MAST4: variants seen among roughly 807,000 people sequenced by gnomAD.
MAST4 encodes the protein microtubule-associated serine/threonine-protein kinase 4.
A neutral mutation model predicts 162.7 loss-of-function variants in MAST4; 89 were observed. The observed-to-expected ratio is 0.55, with a 90% confidence interval of 0.46 to 0.65. MAST4 has a LOEUF of 0.65. Among genes scored for constraint, MAST4 ranks in the 30% least tolerant of loss-of-function variants. The probability of loss-of-function intolerance (pLI) is 0.00; values close to 1 mark genes in which losing one functional copy is unlikely to be tolerated. For missense variants in MAST4, 3,153 were observed against 3,374.0 expected (o/e 0.93, Z 1.62); for synonymous variants, 1,479 against 1,361.1 (o/e 1.09, Z -1.91).
intron 3 of MAST4, among the ~76,000 whole-genome samples, chr5:66,803,325 G>T (rs1247630124): frequency 6.6e-6 from 1 of 152,122 alleles, no homozygotes; most frequent in African/African-American, 2.4e-5. Flanking sequence ...AGTCAAGAAA[G>T]TTCCCTCATG....
intron 4 of MAST4, among the ~76,000 whole-genome samples, chr5:66,906,403 T>C (rs4700171): frequency 0.12 from 18,792 of 152,224 alleles, 1,354 homozygotes; most frequent in Admixed American, 0.15. Flanking sequence ...CATTCACCCT[T>C]TCATTATTCC....
intron 1 of MAST4, among the ~76,000 whole-genome samples, chr5:66,650,696 G>A (rs554427634): frequency 2.0e-5 from 3 of 152,268 alleles, no homozygotes; most frequent in African/African-American, 7.2e-5. Flanking sequence ...ATATCAGTGG[G>A]TTAGCCCAAA....
chr5:66,808,556 C>G (rs1948840081), intron 3 of MAST4, among the ~76,000 whole-genome samples: 1 of 152,022 alleles, frequency 6.6e-6, no homozygotes, highest in African/African-American at 2.4e-5. Context: ...TTTTGTTAAC[C>G]TACCTGTTCT....
chr5:66,641,462 A>G (rs1011364543), intron 1 of MAST4, among the ~76,000 whole-genome samples: 1 of 152,132 alleles, frequency 6.6e-6, no homozygotes, highest in Non-Finnish European at 1.5e-5. Flanking sequence ...TGGTCTCATG[A>G]TGTATTTTAA....
At chr5:67,158,813 T>C (rs1772852736) in intron 26 of MAST4, among the ~76,000 whole-genome samples, 1 of 152,168 alleles carries the variant, frequency 6.6e-6, no homozygotes, top group Non-Finnish European at 1.5e-5. Context: ...CGCAGGCAGA[T>C]CGCCTGAGGT....
At position 67,166,790 on chromosome 5, in the gene MAST4, C is replaced by G; in HGVS notation, c.7611C>G (p.Asp2537Glu). The G allele has an allele frequency of 6.2e-7, 1 of 1,603,034 alleles. No homozygotes were observed. Among genetic ancestry groups the G allele is most frequent in the Non-Finnish European group, 8.5e-7 (1 of 1,175,320 alleles). ...TGCCTCTGGAGTCACACCACCCCGA[C>G]CCAAACACCATGGGCGGGGCCAGCC... ...STLPLESHHPDPNTMGGASHR... is the reference protein window; with the variant it reads ...STLPLESHHPEPNTMGGASHR... Residue 2537 changes from aspartate (D) to glutamate (E), a missense_variant, in exon 29 of 29, where the codon GAC becomes GAG. Asp to Glu is a conservative substitution (Grantham distance 45). This residue lies in a region of MAST4 where 1,644 missense variants were observed against 1,495.0 expected (regional missense o/e 1.10). Transcript: ENST00000403625.
chr5:66,693,432 C>T (rs1749180958), intron 1 of MAST4, among the ~76,000 whole-genome samples: 1 of 152,056 alleles, frequency 6.6e-6, no homozygotes, highest in African/African-American at 2.4e-5. Flanking sequence ...TTGGGAAAAC[C>T]ATGATTTGGA....
intron 2 of MAST4, among the ~76,000 whole-genome samples, chr5:66,760,494 A>G (rs982964851): frequency 5.9e-5 from 9 of 152,300 alleles, no homozygotes; most frequent in African/African-American, 1.9e-4. Flanking sequence ...TGATCAGGAT[A>G]TAAAATGTTT....
intron 1 of MAST4, among the ~76,000 whole-genome samples, chr5:66,638,676 G>C (rs1042330876): frequency 6.6e-6 from 1 of 152,098 alleles, no homozygotes; most frequent in Non-Finnish European, 1.5e-5. Context: ...GGAAAGCAAA[G>C]GTATCACTCT....
intron 1 of MAST4, among the ~76,000 whole-genome samples, chr5:66,672,230 A>G (rs1272668879): frequency 6.6e-6 from 1 of 152,216 alleles, no homozygotes; most frequent in African/African-American, 2.4e-5. Flanking sequence ...TATATGCATA[A>G]CCTTCCTCGC....
chr5:66,822,622 G>A (rs539607084), intron 3 of MAST4, among the ~76,000 whole-genome samples: 2 of 152,240 alleles, frequency 1.3e-5, no homozygotes, highest in Admixed American at 6.5e-5. Context: ...CCTGCCCAGG[G>A]GGGTATCTCT....
Position 67,164,453 on chromosome 5 carries a change from C to T in MAST4, c.5274C>T (p.Leu1758=). Residue 1758 remains leucine (L), a synonymous_variant, in exon 29 of 29, where the codon CTC becomes CTT. Coordinates refer to ENST00000403625, the MANE Select transcript of MAST4 (RefSeq NM_001164664.2). The surrounding 1 kb of genome is among the most constrained non-coding windows in gnomAD (Gnocchi z 5.3). ...AQMSAVSFVP[L]KALTGRVDSG... is the part of the protein sequence containing the mutation. ...TGAGTGCCGTCTCTTTTGTTCCCCT[C>T]AAGGCCTTAACAGGCCGGGTGGACA... The T allele has an allele frequency of 6.2e-7, 1 of 1,614,048 alleles. No homozygotes were observed. Among genetic ancestry groups the T allele is most frequent in the East Asian group, 2.2e-5 (1 of 44,870 alleles).
In MAST4 at chr5:67,164,170, C is replaced by T. The variant is rs748242144; in HGVS notation, c.4991C>T (p.Thr1664Met). 5 of 1,610,226 alleles carry T rather than the reference C, an allele frequency of 3.1e-6. No individual in the cohort carries two copies. The highest frequency in any genetic ancestry group is 4.5e-5 in the East Asian group (2 of 44,786). Reference protein sequence around the residue: ...DRGISGKGEGTEKSSQAKELL... With the variant: ...DRGISGKGEGMEKSSQAKELL... The stretch of plus-strand genomic sequence containing the variant: ...GGCATCTCTGGGAAGGGGGAAGGCA[C>T]GGAGAAGTCCTCCCAGGCCAAGGAG... Residue 1664 changes from threonine (T) to methionine (M), a missense_variant, in exon 29 of 29, where the codon ACG becomes ATG. Coordinates refer to ENST00000403625, the MANE Select transcript of MAST4 (RefSeq NM_001164664.2). This position sits in a 1 kb window ranked among gnomAD's most constrained non-coding sequence, Gnocchi z 5.3.
intron 2 of MAST4, among the ~76,000 whole-genome samples, chr5:66,761,964 C>A (rs578183140): frequency 6.6e-6 from 1 of 152,210 alleles, no homozygotes; most frequent in South Asian, 2.1e-4. Flanking sequence ...TACCTTGATT[C>A]AACTATTTTT....
At chr5:66,719,824 A>G (rs1001749370) in intron 1 of MAST4, among the ~76,000 whole-genome samples, 1 of 151,806 alleles carries the variant, frequency 6.6e-6, no homozygotes, top group Admixed American at 6.6e-5. Context: ...TCCTTAAAGT[A>G]TTTGTGTTTT....
At chr5:67,085,797 G>T (rs1763169020) in intron 5 of MAST4, among the ~76,000 whole-genome samples, 1 of 152,178 alleles carries the variant, frequency 6.6e-6, no homozygotes, top group African/African-American at 2.4e-5. Context: ...TTTGAGACAG[G>T]TGTCTAAATG....
At chr5:66,841,345 T>C (rs1758410404) in intron 3 of MAST4, among the ~76,000 whole-genome samples, 9 of 152,150 alleles carry the variant, frequency 5.9e-5, no homozygotes, top group Admixed American at 5.9e-4. Context: ...ATGAAGATAC[T>C]AAAAATTACC....
At chr5:66,945,741 A>G (rs572323653) in intron 4 of MAST4, among the ~76,000 whole-genome samples, 1 of 152,220 alleles carries the variant, frequency 6.6e-6, no homozygotes, top group Non-Finnish European at 1.5e-5. Flanking sequence ...ATTGTGGTAT[A>G]CCCTATATAC....
At chr5:66,985,767 A>T (rs181422452) in intron 4 of MAST4, among the ~76,000 whole-genome samples, 1 of 152,172 alleles carries the variant, frequency 6.6e-6, no homozygotes, top group Non-Finnish European at 1.5e-5. Context: ...AATAACTTTC[A>T]TATGTGGGGC....
Sources: gnomAD v4.1 joint callset for allele counts (sites outside exome capture counted in the v4.1 genomes callset) on GRCh38, gnomAD v4.1.1 for gene constraint, gnomAD v4.1.1 regional missense constraint, Gnocchi (gnomAD v3.1) non-coding constraint, MANE v1.5 for transcripts, NCBI Gene and HGNC (gene_info 2026-07-23, HGNC 2026-07-21) for gene names.